Variants in ATXN1 observed in about 807,000 individuals in gnomAD.
ATXN1 encodes the protein ataxin 1.
Under a neutral mutation model 56.4 loss-of-function variants are expected in ATXN1, and 8 were observed. The observed-to-expected ratio is 0.14, with a 90% CI of 0.08 to 0.26. The LOEUF (loss-of-function observed/expected upper bound fraction) is 0.26. ATXN1 is among the 10% of genes least tolerant of loss of function. ATXN1 has a pLI of 1.00. For synonymous variants in ATXN1, 514 were observed against 494.6 expected (o/e 1.04, Z -0.52); for missense variants, 987 against 1,106.5 (o/e 0.89, Z 1.53).
At chr6:16,734,684 G>A (rs765352791) in intron 2 of ATXN1, among the ~76,000 whole-genome samples, 3 of 152,186 alleles carry the variant, frequency 2.0e-5, no homozygotes, top group Non-Finnish European at 4.4e-5. Context: ...AGTAAAGACA[G>A]GATTTTACCA....
chr6:16,436,655 G>A (rs1294171687), intron 6 of ATXN1, among the ~76,000 whole-genome samples: 4 of 151,904 alleles, frequency 2.6e-5, no homozygotes, highest in Non-Finnish European at 5.9e-5. Flanking sequence ...TGGTGTGTTG[G>A]AGGAACACCA....
chr6:16,327,443 C>T lies in ATXN1; in HGVS notation c.868G>A (p.Val290Ile), dbSNP rs1413497709. The T allele has an allele frequency of 6.8e-6, 11 of 1,613,504 alleles. No homozygotes were observed. The highest frequency in any genetic ancestry group is 2.7e-5 in the African/African-American group (2 of 74,914). ...TLTLGPPSQV[V>I]MQYADSGSHF... Reference sequence around the variant, plus strand: ...CTGCCGGAGTCGGCGTATTGCATGACGACCTGGGAGGGGGGCCCCAGGGTG... The same window carrying T: ...CTGCCGGAGTCGGCGTATTGCATGATGACCTGGGAGGGGGGCCCCAGGGTG... The change falls in exon 7 of 8, where the codon GTC becomes ATC. Residue 290 changes from valine to isoleucine, a missense_variant. By Grantham distance (29) the Val-to-Ile change is conservative (BLOSUM62 3). This residue lies in a region of ATXN1 where 723 missense variants were observed against 791.7 expected (regional missense o/e 0.91). Transcript: ENST00000436367.
chr6:16,544,419 G>C (rs1311299259), intron 4 of ATXN1, among the ~76,000 whole-genome samples: 1 of 152,238 alleles, frequency 6.6e-6, no homozygotes, highest in African/African-American at 2.4e-5. Flanking sequence ...AAGAACACAA[G>C]AATGAGCCTG....
chr6:16,411,851 C>T (rs936753291), intron 6 of ATXN1, among the ~76,000 whole-genome samples: 2 of 152,140 alleles, frequency 1.3e-5, no homozygotes, highest in Non-Finnish European at 2.9e-5. Context: ...TAAGATATGC[C>T]ACATATCATC....
intron 5 of ATXN1, among the ~76,000 whole-genome samples, chr6:16,498,891 C>T (rs966439731): frequency 6.6e-6 from 1 of 152,124 alleles, no homozygotes; most frequent in Non-Finnish European, 1.5e-5. Context: ...TTTATATATT[C>T]CAGAAACTAG....
At chr6:16,694,137 G>A (rs1276010415) in intron 2 of ATXN1, among the ~76,000 whole-genome samples, 2 of 151,132 alleles carry the variant, frequency 1.3e-5, no homozygotes, top group Non-Finnish European at 2.9e-5. Flanking sequence ...ATCACTATCC[G>A]ATTATCAGTA....
chr6:16,326,416 G>A lies in ATXN1; in HGVS notation c.1895C>T (p.Ala632Val). 5 of 1,613,728 alleles carry A rather than the reference G, an allele frequency of 3.1e-6. No individual in the cohort carries two copies. In the South Asian group the frequency reaches 3.3e-5, roughly 11 times the overall value. ...HSPGVAVIQFAVGEHRAQVSV... is the reference protein window; with the variant it reads ...HSPGVAVIQFVVGEHRAQVSV... ...TACCTGGGCTCGGTGCTCCCCGACGGCGAACTGTATCACGGCCACGCCCGG... is the reference window on the plus strand; with the variant it reads ...TACCTGGGCTCGGTGCTCCCCGACGACGAACTGTATCACGGCCACGCCCGG... The change falls in exon 7 of 8, where the codon GCC becomes GTC. Residue 632 changes from alanine to valine, a missense_variant. Physicochemically the swap from Ala to Val is moderately conservative, Grantham distance 64. Around this residue, in one of 3 missense-constraint regions of ATXN1, gnomAD observed 68 missense variants for 118.1 expected, o/e 0.58. Coordinates refer to ENST00000436367, the MANE Select transcript of ATXN1 (RefSeq NM_001128164.2). The surrounding 1 kb of genome is among the most constrained non-coding windows in gnomAD (Gnocchi z 6.6).
intron 6 of ATXN1, among the ~76,000 whole-genome samples, chr6:16,354,261 C>T (rs1482960520): frequency 6.6e-6 from 1 of 151,772 alleles, no homozygotes; most frequent in African/African-American, 2.4e-5. Context: ...TCTTATTTCA[C>T]TTATTTTTTT....
intron 5 of ATXN1, among the ~76,000 whole-genome samples, chr6:16,491,351 C>A (rs1221931142): frequency 6.7e-6 from 1 of 148,896 alleles, no homozygotes; most frequent in African/African-American, 2.5e-5. Context: ...ATGGCGCAAT[C>A]TCAGCTCACT....
At chr6:16,659,907 T>G (rs1758282383) in intron 2 of ATXN1, among the ~76,000 whole-genome samples, 1 of 152,072 alleles carries the variant, frequency 6.6e-6, no homozygotes. Flanking sequence ...CAAAGCTAGG[T>G]GTCCAGAAAA....
intron 6 of ATXN1, among the ~76,000 whole-genome samples, chr6:16,396,990 A>T (rs537695131): frequency 1.4e-4 from 22 of 152,340 alleles, no homozygotes; most frequent in Non-Finnish European, 2.9e-4. Flanking sequence ...AGGCTGTACC[A>T]TCTAGGCTTG....
chr6:16,569,820 G>A (rs1026552531), intron 4 of ATXN1, among the ~76,000 whole-genome samples: 4 of 152,106 alleles, frequency 2.6e-5, no homozygotes, highest in Non-Finnish European at 5.9e-5. Flanking sequence ...GGAAGGAAGT[G>A]GTATATGCCA....
At chr6:16,382,654 T>C (rs1477603941) in intron 6 of ATXN1, among the ~76,000 whole-genome samples, 1 of 152,172 alleles carries the variant, frequency 6.6e-6, no homozygotes, top group African/African-American at 2.4e-5. Context: ...ACAATGAAGA[T>C]GCTGACTTTC....
chr6:16,733,665 T>A (rs560080329), intron 2 of ATXN1, among the ~76,000 whole-genome samples: 182 of 152,100 alleles, frequency 1.2e-3, no homozygotes, highest in African/African-American at 4.2e-3. Flanking sequence ...TTGACCAACA[T>A]GGAGAAACCC....
chr6:16,462,047 A>C (rs1459593531), intron 6 of ATXN1, among the ~76,000 whole-genome samples: 1 of 152,216 alleles, frequency 6.6e-6, no homozygotes, highest in Admixed American at 6.5e-5. Flanking sequence ...TTCTTTGGCA[A>C]AATACCAACA....
intron 7 of ATXN1, among the ~76,000 whole-genome samples, chr6:16,307,311 A>T (rs1228413957): frequency 6.6e-6 from 1 of 152,214 alleles, no homozygotes; most frequent in Non-Finnish European, 1.5e-5. Flanking sequence ...CATGGATCAG[A>T]GTGAGACTGT....
chr6:16,332,111 A>T (rs2113422491), intron 6 of ATXN1, among the ~76,000 whole-genome samples: 2 of 152,348 alleles, frequency 1.3e-5, no homozygotes, highest in East Asian at 3.9e-4. Context: ...CCAAACCGAT[A>T]AAAGTTTCCA....
At chr6:16,354,166 C>T (rs1456322433) in intron 6 of ATXN1, among the ~76,000 whole-genome samples, 1 of 152,192 alleles carries the variant, frequency 6.6e-6, no homozygotes, top group African/African-American at 2.4e-5. Flanking sequence ...AGTGGACCCT[C>T]AGTTCCCTGA....
chr6:16,442,296 G>C (rs1416229633), intron 6 of ATXN1, among the ~76,000 whole-genome samples: 1 of 152,184 alleles, frequency 6.6e-6, no homozygotes. Flanking sequence ...GAAACCCTTA[G>C]TAATCTGCAA....
Sources: gnomAD v4.1 joint callset for allele counts (sites outside exome capture counted in the v4.1 genomes callset) on GRCh38, gnomAD v4.1.1 for gene constraint, gnomAD v4.1.1 regional missense constraint, Gnocchi (gnomAD v3.1) non-coding constraint, MANE v1.5 for transcripts, NCBI Gene and HGNC (gene_info 2026-07-23, HGNC 2026-07-21) for gene names.